Variants in ALS2 observed in about 807,000 individuals in gnomAD.
ALS2 encodes alsin Rho guanine nucleotide exchange factor ALS2.
Under a neutral mutation model 203.4 loss-of-function variants are expected in ALS2, and 117 were observed. The ratio of observed to expected loss-of-function variants is 0.58; its 90% CI spans 0.50 to 0.67. ALS2 has a LOEUF of 0.67. ALS2 is among the 30% of genes least tolerant of loss of function. The pLI is 0.00. For synonymous variants in ALS2, 718 were observed against 725.9 expected, an observed-to-expected ratio of 0.99 and a Z score of 0.17; for missense variants, 1,715 against 1,989.4, an observed-to-expected ratio of 0.86 and a Z score of 2.62.
chr2:201,727,307 G>A (rs1691245442), intron 16 of ALS2, 29 bp from the exon 17 acceptor site: 1 of 1,542,650 alleles, frequency 6.5e-7, no homozygotes, highest in Non-Finnish European at 8.9e-7. Context: ...TAAATACCAG[G>A]ACATTTAACA....
intron 4 of ALS2, chr2:201,760,645 A>T: frequency 7.5e-7 from 1 of 1,325,598 alleles, no homozygotes; most frequent in Non-Finnish European, 9.6e-7. Flanking sequence ...CCTACTTATA[A>T]AACAAGCCCA....
chr2:201,739,611 C>T (rs1008351599), intron 11 of ALS2, among the ~76,000 whole-genome samples: 1 of 152,056 alleles, frequency 6.6e-6, no homozygotes, highest in African/African-American at 2.4e-5. Flanking sequence ...GGCGCGGTGG[C>T]GGATGCCTGT....
Position 201,729,123 on chromosome 2 carries a change from G to A in ALS2, c.2641C>T (p.His881Tyr). ...SSSCYECLALHLGRKRKEAEY... is the reference protein window; with the variant it reads ...SSSCYECLALYLGRKRKEAEY... ...GCTTCCTTCCTTTTCCTGCCGAGAT[G>A]GAGAGCAAGACACTCATAACAAGAA... Residue 881 changes from histidine to tyrosine, a missense_variant, in exon 14 of 34, where the codon CAT becomes TAT. Physicochemically the swap from His to Tyr is moderately conservative, Grantham distance 83 (BLOSUM62 2). Coordinates refer to ENST00000264276, the MANE Select transcript of ALS2 (RefSeq NM_020919.4). The A allele has an allele frequency of 3.7e-6, 6 of 1,613,880 alleles. No homozygotes were observed. The highest frequency in any genetic ancestry group is 5.1e-6 in the Non-Finnish European group (6 of 1,179,988).
intron 13 of ALS2, among the ~76,000 whole-genome samples, chr2:201,729,837 G>A (rs886795134): frequency 1.3e-4 from 17 of 131,296 alleles, no homozygotes; most frequent in East Asian, 9.6e-4. Context: ...GCCGAGATGC[G>A]CCACTGCACT....
At chr2:201,761,913 C>T in intron 3 of ALS2, 95 bp from the exon 4 acceptor site, 1 of 1,326,976 alleles carries the variant, frequency 7.5e-7, no homozygotes, top group Non-Finnish European at 1.0e-6. Flanking sequence ...TAGATTTAAC[C>T]AAATTGGATT....
chr2:201,710,968 A>G (rs750378069), intron 26 of ALS2, 23 bp downstream of exon 26: 15 of 1,359,016 alleles, frequency 1.1e-5, no homozygotes, highest in Middle Eastern at 1.8e-4. Context: ...CACAAGACCA[A>G]TGTAATTTTT....
chr2:201,771,266 C>T (rs996283597), intron 1 of ALS2, among the ~76,000 whole-genome samples: 6 of 151,948 alleles, frequency 3.9e-5, no homozygotes, highest in Admixed American at 1.3e-4. Context: ...AGGCTGGTCT[C>T]GAACTCCTGA....
chr2:201,773,106 C>T (rs1694485356), intron 1 of ALS2, among the ~76,000 whole-genome samples: 1 of 152,188 alleles, frequency 6.6e-6, no homozygotes, highest in East Asian at 1.9e-4. Context: ...GTGACCTGCC[C>T]ACCTTGGACT....
chr2:201,738,003 A>T (rs1691994552), intron 12 of ALS2, among the ~76,000 whole-genome samples: 2 of 151,954 alleles, frequency 1.3e-5, no homozygotes, highest in Admixed American at 1.3e-4. Context: ...ATTTTCTATT[A>T]AAATACAGAA....
At chr2:201,734,467 C>CAAA (rs576164468) in intron 12 of ALS2, among the ~76,000 whole-genome samples, 2 of 132,356 alleles carry the variant, frequency 1.5e-5, no homozygotes, top group Admixed American at 1.5e-4. Context: ...CAGCCTGTCT[C>CAAA]AAAAAAAAAA....
At chr2:201,769,568 T>A (rs1009396730) in intron 1 of ALS2, among the ~76,000 whole-genome samples, 1 of 152,206 alleles carries the variant, frequency 6.6e-6, no homozygotes, top group African/African-American at 2.4e-5. Flanking sequence ...TGTTTTAAAA[T>A]CCACCTTTAA....
At position 201,761,671 on chromosome 2, in the gene ALS2, T is replaced by G; in HGVS notation, c.323A>C (p.Asp108Ala). 1 of 1,614,202 alleles carries G rather than the reference T, an allele frequency of 6.2e-7. No homozygotes were observed. Among genetic ancestry groups the G allele is most frequent in the Non-Finnish European group, 8.5e-7 (1 of 1,180,024 alleles). Reference sequence around the variant, plus strand: ...TCCCCACATGTACGCGACACCATTGTCTGTCACTGCTCCACTATGGAAGCT... The same window carrying G: ...TCCCCACATGTACGCGACACCATTGGCTGTCACTGCTCCACTATGGAAGCT... ...TGSFHSGAVT[D>A]NGVAYMWGEN... Residue 108 changes from aspartate to alanine, a missense_variant, in exon 4 of 34, where the codon GAC (aspartate) becomes GCC (alanine). Transcript: ENST00000264276.
In ALS2 at chr2:201,711,197, C is replaced by T. The variant is rs922170417; in HGVS notation, c.4005-89G>A. 4 of 838,744 alleles carry T rather than the reference C, an allele frequency of 4.8e-6. No homozygotes were observed. In the African/African-American group the frequency reaches 6.7e-5, roughly 14 times the overall value. The allele number at this position is 838,744 out of a possible 1,614,324, so 52.0% of individuals were successfully genotyped here. ...CTCACATGAAACACAATCACTAGCT[C>T]CAGTCAAAGTGGAGCATCCAACGTA... On this transcript the variant is annotated intron_variant, in intron 25 of 33. Transcript: ENST00000264276.
chr2:201,722,972 T>A, intron 23 of ALS2, 71 bp downstream of exon 23: 1 of 1,241,194 alleles, frequency 8.1e-7, no homozygotes, highest in East Asian at 2.4e-5. Flanking sequence ...GTAAATCAGC[T>A]ATTTTTAAAG....
chr2:201,760,961 C>G lies in ALS2; in HGVS notation c.1033G>C (p.Val345Leu), dbSNP rs768018989. The change falls in exon 4 of 34, where the codon GTC becomes CTC. Residue 345 changes from valine to leucine, a missense_variant. Around this residue, in one of 3 missense-constraint regions of ALS2, gnomAD observed 476 missense variants for 539.3 expected, o/e 0.88. Transcript: ENST00000264276. ...NIPSYPDTQA[V>L]NEYLRKLSDH... Reference sequence around the variant, plus strand: ...GACAGTTTCCGTAGGTATTCATTGACTGCTTGGGTGTCAGGGTATGATGGT... The same window carrying G: ...GACAGTTTCCGTAGGTATTCATTGAGTGCTTGGGTGTCAGGGTATGATGGT... 6.2e-7 allele frequency: 1 copy of G among 1,614,194 alleles called. No individual in the cohort carries two copies. Among genetic ancestry groups the G allele is most frequent in the Non-Finnish European group, 8.5e-7 (1 of 1,180,036 alleles).
intron 10 of ALS2, 22 bp from the exon 11 acceptor site, chr2:201,741,876 G>C: frequency 1.3e-6 from 2 of 1,583,106 alleles, no homozygotes; most frequent in Non-Finnish European, 1.7e-6. Context: ...TAATGATGAT[G>C]ATGACAACAC....
intron 7 of ALS2, among the ~76,000 whole-genome samples, chr2:201,752,218 C>T (rs953968902): frequency 6.6e-6 from 1 of 152,168 alleles, no homozygotes; most frequent in East Asian, 1.9e-4. Context: ...AAACCTCTCA[C>T]TTTACTACTG....
chr2:201,726,633 C>T (rs1574705885), intron 18 of ALS2, 31 bp downstream of exon 18: 3 of 1,611,688 alleles, frequency 1.9e-6, no homozygotes, highest in Non-Finnish European at 2.5e-6. Context: ...TGATCATCCT[C>T]ACCCCAGGCA....
chr2:201,741,650 C>T (rs1386876431), intron 11 of ALS2, 24 bp downstream of exon 11: 4 of 1,611,246 alleles, frequency 2.5e-6, no homozygotes, highest in African/African-American at 1.3e-5. Context: ...AGAGATTGAA[C>T]ATGACACGGG....
Sources: allele counts gnomAD v4.1 joint callset (sites outside exome capture counted in the v4.1 genomes callset), GRCh38; gene constraint gnomAD v4.1.1; regional missense constraint gnomAD v4.1.1; transcripts MANE v1.5; gene names NCBI Gene and HGNC (gene_info 2026-07-23, HGNC 2026-07-21).